Variants in VRK2 observed in about 807,000 individuals in gnomAD.
VRK2 encodes VRK serine/threonine kinase 2, also known as serine/threonine-protein kinase VRK2.
VRK2 carries 60 observed loss-of-function variants against 57.6 expected under a neutral mutation model. The observed-to-expected ratio is 1.04, with a 90% confidence interval of 0.85 to 1.29. VRK2 has a LOEUF of 1.29. Among genes scored for constraint, VRK2 ranks in the 50% most tolerant of loss-of-function variants. The pLI is 0.00. For synonymous variants in VRK2, 231 were observed against 199.2 expected, an observed-to-expected ratio of 1.16 and a Z score of -1.35; for missense variants, 705 against 588.1, an observed-to-expected ratio of 1.20 and a Z score of -2.06.
At chr2:58,064,212 A>G (rs1316980691) in intron 2 of VRK2, among the ~76,000 whole-genome samples, 3 of 152,120 alleles carry the variant, frequency 2.0e-5, no homozygotes, top group African/African-American at 7.2e-5. Context: ...GCATGGTTTG[A>G]GAGGATTGTC....
At chr2:57,951,991 T>C (rs1253410612) in intron 1 of VRK2, among the ~76,000 whole-genome samples, 2 of 148,590 alleles carry the variant, frequency 1.3e-5, no homozygotes, top group Non-Finnish European at 3.0e-5. Flanking sequence ...ACTACTAGCC[T>C]CAAGAGATCC....
At chr2:58,116,292 C>T (rs554127903) in intron 7 of VRK2, among the ~76,000 whole-genome samples, 5 of 151,178 alleles carry the variant, frequency 3.3e-5, no homozygotes, top group East Asian at 1.9e-4. Context: ...AAAAGGAGGA[C>T]GCAAAGGAGG....
intron 2 of VRK2, among the ~76,000 whole-genome samples, chr2:58,082,111 A>G (rs1008512651): frequency 1.3e-5 from 2 of 151,842 alleles, no homozygotes; most frequent in Non-Finnish European, 2.9e-5. Flanking sequence ...AAGCTTATAG[A>G]GAATATTGTG....
chr2:58,145,363 C>A (rs746854926), intron 11 of VRK2, among the ~76,000 whole-genome samples: 1 of 151,822 alleles, frequency 6.6e-6, no homozygotes, highest in Non-Finnish European at 1.5e-5. Flanking sequence ...GTTAAACTAC[C>A]TGCACAAAAA....
intron 1 of VRK2, among the ~76,000 whole-genome samples, chr2:58,005,112 G>A (rs1673203254): frequency 6.6e-6 from 1 of 152,080 alleles, no homozygotes; most frequent in African/African-American, 2.4e-5. Flanking sequence ...AAAATATTAA[G>A]TTTTGTCCAA....
intron 1 of VRK2, among the ~76,000 whole-genome samples, chr2:57,911,521 T>C (rs1451124582): frequency 1.3e-5 from 2 of 152,194 alleles, no homozygotes; most frequent in African/African-American, 2.4e-5. Flanking sequence ...ACAAAAGGAA[T>C]CTACTTTGTA....
At chr2:57,979,068 A>G (rs1478353834) in intron 1 of VRK2, among the ~76,000 whole-genome samples, 1 of 150,964 alleles carries the variant, frequency 6.6e-6, no homozygotes, top group Non-Finnish European at 1.5e-5. Flanking sequence ...TCTATCATTG[A>G]TGGGCATTTG....
intron 1 of VRK2, among the ~76,000 whole-genome samples, chr2:58,018,710 G>A (rs779713361): frequency 4.6e-5 from 7 of 152,004 alleles, no homozygotes; most frequent in Non-Finnish European, 7.4e-5. Flanking sequence ...TTATAGTAGC[G>A]ATACAGTATG....
chr2:58,085,051 A>G (rs1334512150), intron 4 of VRK2, 101 bp downstream of exon 4: 3 of 1,094,920 alleles, frequency 2.7e-6, no homozygotes, highest in Non-Finnish European at 3.8e-6. Flanking sequence ...ATTCTTTTCA[A>G]TAGAAATTTT....
intron 6 of VRK2, 39 bp downstream of exon 6, chr2:58,088,485 G>T (rs761036631): frequency 2.6e-5 from 37 of 1,415,972 alleles, no homozygotes; most frequent in Non-Finnish European, 3.7e-5. Context: ...TTTCCAAATT[G>T]TTTACTTCTT....
At position 58,139,851 on chromosome 2, in the gene VRK2, G is replaced by C. The variant is rs1236391424; in HGVS notation, c.1023+19G>C. ...TCAAAAAGTAAGTAACATAATCCCT[G>C]CTATCCTATGATTACCTTCTATGAT... On this transcript the variant is annotated intron_variant, in intron 11 of 12. Coordinates refer to ENST00000340157, the MANE Select transcript of VRK2 (RefSeq NM_006296.7). The C allele has an allele frequency of 6.3e-7, 1 of 1,590,522 alleles. No homozygotes were observed. Among genetic ancestry groups the C allele is most frequent in the South Asian group, 1.2e-5 (1 of 86,824 alleles).
intron 1 of VRK2, among the ~76,000 whole-genome samples, chr2:58,024,166 T>A (rs909625347): frequency 1.3e-5 from 2 of 152,070 alleles, no homozygotes; most frequent in East Asian, 3.9e-4. Flanking sequence ...CTACTAAAAG[T>A]ACAAAAAATA....
chr2:58,003,421 T>C (rs1389056951), intron 1 of VRK2, among the ~76,000 whole-genome samples: 3 of 152,286 alleles, frequency 2.0e-5, no homozygotes, highest in Admixed American at 6.5e-5. Flanking sequence ...TTTTATGTTT[T>C]TTAAAATTCA....
chr2:58,005,832 T>C (rs910201890), intron 1 of VRK2, among the ~76,000 whole-genome samples: 2 of 152,154 alleles, frequency 1.3e-5, no homozygotes, highest in African/African-American at 4.8e-5. Context: ...GAGTCTTCTT[T>C]GACAGTAGAA....
intron 2 of VRK2, among the ~76,000 whole-genome samples, chr2:58,068,864 A>T (rs911037091): frequency 6.6e-6 from 1 of 151,262 alleles, no homozygotes; most frequent in Non-Finnish European, 1.5e-5. Flanking sequence ...AGTTTCAAAA[A>T]CATCATTTGA....
chr2:57,965,333 A>T (rs1671884950), intron 1 of VRK2, among the ~76,000 whole-genome samples: 2 of 152,254 alleles, frequency 1.3e-5, no homozygotes, highest in African/African-American at 4.8e-5. Flanking sequence ...ATAATAACAC[A>T]TTCAAGAAAA....
intron 1 of VRK2, among the ~76,000 whole-genome samples, chr2:57,928,025 T>C (rs1670597597): frequency 6.6e-6 from 1 of 152,172 alleles, no homozygotes; most frequent in African/African-American, 2.4e-5. Context: ...GGGTTAAATC[T>C]CCTTGGTGTT....
At chr2:57,986,752 C>T (rs1264310810) in intron 1 of VRK2, among the ~76,000 whole-genome samples, 1 of 152,016 alleles carries the variant, frequency 6.6e-6, no homozygotes, top group Non-Finnish European at 1.5e-5. Flanking sequence ...GTGCGCACCA[C>T]CACACCCAGC....
chr2:57,932,482 C>A (rs1401007288), intron 1 of VRK2, among the ~76,000 whole-genome samples: 1 of 152,078 alleles, frequency 6.6e-6, no homozygotes, highest in Non-Finnish European at 1.5e-5. Context: ...AATTTCATTG[C>A]CATATAATCA....
Sources: allele counts gnomAD v4.1 joint callset (sites outside exome capture counted in the v4.1 genomes callset), GRCh38; gene constraint gnomAD v4.1.1; transcripts MANE v1.5; gene names NCBI Gene and HGNC (gene_info 2026-07-23, HGNC 2026-07-21).